The following POLN variants were observed in gnomAD, a reference collection of about 807,000 sequenced individuals.
The protein encoded by POLN is DNA polymerase nu, also known as DNA polymerase N.
A neutral mutation model predicts 113.5 loss-of-function variants in POLN; 108 were observed. That is an observed-to-expected ratio of 0.95 (90% CI 0.81 to 1.12). The LOEUF is 1.12. Ranked by LOEUF, POLN falls within the 50% of genes most tolerant of loss-of-function variation. The probability of loss-of-function intolerance (pLI) is 0.00; values close to 1 mark genes in which losing one functional copy is unlikely to be tolerated. For synonymous variants in POLN, 386 were observed against 391.5 expected (o/e 0.99, Z 0.17); for missense variants, 1,097 against 1,077.1 (o/e 1.02, Z -0.26).
intron 3 of POLN, chr4:2,227,814 C>G (rs1734436734): frequency 6.6e-6 from 1 of 152,154 alleles, no homozygotes; most frequent in Non-Finnish European, 1.5e-5. Context: ...CTGCCAGAGG[C>G]ATTTCATTAT....
intron 16 of POLN, among the ~76,000 whole-genome samples, chr4:2,136,408 T>C (rs1020941738): frequency 6.6e-6 from 1 of 152,232 alleles, no homozygotes; most frequent in African/African-American, 2.4e-5. Flanking sequence ...TGGGTTGCTC[T>C]GGGCAGCCCA....
rs10011549 is a variant in POLN, at chr4:2,193,219, C to T, written c.1006G>A (p.Gly336Ser). 0.14 allele frequency: 218,092 copies of T among 1,588,602 alleles called. 24,911 individuals carry two copies. Among genetic ancestry groups the T allele is most frequent in the African/African-American group, 0.55 (40,016 of 72,778 alleles). Residue 336 changes from glycine to serine, a missense_variant, in exon 7 of 26, where the codon GGC (glycine) becomes AGC (serine). Transcript: ENST00000511885. Reference protein sequence around the residue: ...RIVLQFFGNDGSWKHVADFIG... With the variant: ...RIVLQFFGNDSSWKHVADFIG... ...TATAACTTACCATGCTTCCAACTGC[C>T]ATCATTGCCAAAAAACTGCAGCACT... is the stretch of plus-strand genomic sequence containing the variant.
chr4:2,098,348 G>A (rs1328535686), intron 19 of POLN, among the ~76,000 whole-genome samples: 1 of 152,212 alleles, frequency 6.6e-6, no homozygotes, highest in Non-Finnish European at 1.5e-5. Flanking sequence ...GAGCCTGGGA[G>A]GTTGAGGCTG....
chr4:2,204,428 G>A (rs1271644136), intron 5 of POLN, among the ~76,000 whole-genome samples: 2 of 152,058 alleles, frequency 1.3e-5, no homozygotes, highest in African/African-American at 2.4e-5. Flanking sequence ...ATAACAAGCA[G>A]TGAGACTGAA....
chr4:2,165,383 G>T (rs1456777336), intron 13 of POLN, among the ~76,000 whole-genome samples: 3 of 152,170 alleles, frequency 2.0e-5, no homozygotes, highest in African/African-American at 7.2e-5. Context: ...CAAAACTGTG[G>T]AAACAGTAAA....
chr4:2,170,637 G>A, intron 13 of POLN, 42 bp downstream of exon 13: 2 of 1,534,930 alleles, frequency 1.3e-6, no homozygotes, highest in Middle Eastern at 1.7e-4. Context: ...GTGCAGACAT[G>A]CTGTCATTCT....
At chr4:2,133,148 C>A (rs374429227) in intron 16 of POLN, among the ~76,000 whole-genome samples, 1,037 of 140,256 alleles carry the variant, frequency 7.4e-3, no homozygotes, top group Non-Finnish European at 9.5e-3. Context: ...TAAAAAATGG[C>A]AAAAAAAAAA....
Position 2,208,485 on chromosome 4 carries a change from A to G in POLN, c.216T>C (p.Asp72=), listed in dbSNP as rs758162339. The G allele has an allele frequency of 5.2e-6, 8 of 1,524,564 alleles. No homozygotes were observed. The East Asian group carries it at 1.8e-4, about 35-fold the overall frequency. 94.4% of individuals were successfully genotyped at this position (1,524,564 alleles called of 1,614,324 possible). ...DRKTQSPEKK[D]LKSLRSQTSR... ...ATGTCTGACTTCTTAAAGATTTAAGATCCTACAGAAAAATGGAAAATATTT... is the reference window on the plus strand; with the variant it reads ...ATGTCTGACTTCTTAAAGATTTAAGGTCCTACAGAAAAATGGAAAATATTT... The change falls in exon 5 of 26, where the codon GAT becomes GAC. Residue 72 remains aspartate (D), a splice_region_variant and synonymous_variant. Transcript: ENST00000511885.
chr4:2,081,500 TA>T, intron 22 of POLN, 132 bp downstream of exon 22: 1 of 830,490 alleles, frequency 1.2e-6, no homozygotes, highest in Non-Finnish European at 2.0e-6. Flanking sequence ...ATGGGTAGTG[TA>T]AGCTCCTGCA....
intron 23 of POLN, among the ~76,000 whole-genome samples, chr4:2,075,967 C>G (rs778346864): frequency 6.6e-6 from 1 of 152,134 alleles, no homozygotes; most frequent in Non-Finnish European, 1.5e-5. Context: ...TGACATGGGC[C>G]GAGCCTCGAA....
rs200927713 is a variant in POLN at position 2,105,259 on chromosome 4, G to A, written c.1983-9326C>T. ...ACTTCCACCTCCTAATATCGCTGGA[G>A]TCTGGACCTTTTTATCATCTCTACC... On this transcript the variant is annotated intron_variant, in intron 19 of 25. Transcript: ENST00000511885. Among the ~76,000 whole-genome samples, 4 of 152,264 alleles carry A rather than the reference G, an allele frequency of 2.6e-5. No individual in the cohort carries two copies. The East Asian group carries it at 5.8e-4, about 22-fold the overall frequency.
At chr4:2,231,886 TAA>T (rs1286412269) in intron 2 of POLN, 10 of 869,322 alleles carry the variant, frequency 1.2e-5, no homozygotes, top group Admixed American at 1.1e-4. Flanking sequence ...TTCTAATAAA[TAA>T]AAGAGGACAC....
At chr4:2,091,160 A>G (rs187770747) in intron 20 of POLN, among the ~76,000 whole-genome samples, 34 of 152,222 alleles carry the variant, frequency 2.2e-4, no homozygotes, top group Non-Finnish European at 3.8e-4. Context: ...GTCTTTTTAT[A>G]CATTTTCCAC....
At chr4:2,168,908 G>T (rs943962789) in intron 13 of POLN, among the ~76,000 whole-genome samples, 3 of 152,216 alleles carry the variant, frequency 2.0e-5, no homozygotes, top group Admixed American at 2.0e-4. Context: ...CATTCTAATG[G>T]AAAAGCAAAC....
intron 19 of POLN, among the ~76,000 whole-genome samples, chr4:2,101,977 G>A (rs1000299630): frequency 6.6e-6 from 1 of 152,132 alleles, no homozygotes; most frequent in African/African-American, 2.4e-5. Flanking sequence ...AGCTGGGATG[G>A]GGGAGGATGC....
chr4:2,155,324 A>G (rs979579147), intron 16 of POLN, among the ~76,000 whole-genome samples: 4 of 152,188 alleles, frequency 2.6e-5, no homozygotes, highest in Admixed American at 2.0e-4. Context: ...TCTTCGCTAG[A>G]TAAAGACCCC....
At chr4:2,129,114 G>T in intron 18 of POLN, 65 bp downstream of exon 18, 99 of 892,710 alleles carry the variant, frequency 1.1e-4, no homozygotes, top group Non-Finnish European at 1.6e-4. Context: ...AAGTACCTTT[G>T]AATTGTTCAA....
Position 2,193,227 on chromosome 4 carries a change from C to A in POLN, c.998G>T (p.Gly333Val), listed in dbSNP as rs754909420. 13 of 1,606,100 alleles carry A rather than the reference C, an allele frequency of 8.1e-6. No individual in the cohort carries two copies. The Admixed American group carries it at 8.5e-5, about 10-fold the overall frequency. The change falls in exon 7 of 26, where the codon GGC becomes GTC. Residue 333 changes from glycine to valine, a missense_variant. Coordinates refer to ENST00000511885, the MANE Select transcript of POLN (RefSeq NM_181808.4). ...ACCATGCTTCCAACTGCCATCATTG[C>A]CAAAAAACTGCAGCACTATTCTCAC... ...DFVRIVLQFFGNDGSWKHVAD... is the reference protein window; with the variant it reads ...DFVRIVLQFFVNDGSWKHVAD...
chr4:2,185,141 G>C (rs7679001), intron 7 of POLN, among the ~76,000 whole-genome samples: 37,520 of 152,072 alleles, frequency 0.25, 7,146 homozygotes, highest in African/African-American at 0.51. Flanking sequence ...ACAAGCAGTA[G>C]CTTCTAACAT....
Sources: gnomAD v4.1 joint callset for allele counts (sites outside exome capture counted in the v4.1 genomes callset) on GRCh38, gnomAD v4.1.1 for gene constraint, MANE v1.5 for transcripts, NCBI Gene and HGNC (gene_info 2026-07-23, HGNC 2026-07-21) for gene names.